The following PRKCI variants were observed in gnomAD, a reference collection of about 807,000 sequenced individuals.
The protein encoded by PRKCI is protein kinase C iota type.
Under a neutral mutation model 84.0 loss-of-function variants are expected in PRKCI, and 43 were observed. That is an observed-to-expected ratio of 0.51 (90% CI 0.40 to 0.66). PRKCI has a LOEUF of 0.66. Among genes scored for constraint, PRKCI ranks in the 30% least tolerant of loss-of-function variants. PRKCI has a pLI of 0.00. For missense variants in PRKCI, 459 were observed against 745.6 expected (o/e 0.62, Z 4.48); for synonymous variants, 216 against 234.4 (o/e 0.92, Z 0.72).
rs1188438028 is a variant in PRKCI at position 170,303,696 on chromosome 3, C to T, written c.*569C>T. 1 of 218,248 alleles carries T rather than the reference C, an allele frequency of 4.6e-6. No individual in the cohort carries two copies. The highest frequency in any genetic ancestry group is 9.2e-6 in the Non-Finnish European group (1 of 108,700). 13.5% of individuals were successfully genotyped at this position (218,248 alleles called of 1,614,324 possible). A position where few individuals can be genotyped will look rare whatever the true frequency, so the allele number is the denominator to read the frequency against. The stretch of plus-strand genomic sequence containing the variant: ...AATTGGTAATAGAAGATGCTGCTTG[C>T]TTAGAATTGGGAAATTCGGCTGGGT... On this transcript the variant is annotated 3_prime_UTR_variant, in exon 18 of 18. Transcript: ENST00000295797.
chr3:170,241,015 A>AT (rs1553837009), intron 2 of PRKCI, among the ~76,000 whole-genome samples: 1 of 152,090 alleles, frequency 6.6e-6, no homozygotes, highest in East Asian at 1.9e-4. Flanking sequence ...ATGTGACTTT[A>AT]TTTTTTTAAC....
chr3:170,257,986 G>T (rs371560665), intron 2 of PRKCI, among the ~76,000 whole-genome samples: 2 of 151,780 alleles, frequency 1.3e-5, no homozygotes, highest in African/African-American at 4.8e-5. Flanking sequence ...TTGAGAGGGA[G>T]ACTCAGAAAC....
At chr3:170,261,546 C>T (rs560380572) in intron 3 of PRKCI, among the ~76,000 whole-genome samples, 12 of 151,764 alleles carry the variant, frequency 7.9e-5, no homozygotes, top group African/African-American at 2.7e-4. Flanking sequence ...GGCAGTGGCA[C>T]AGTCTCAACT....
intron 2 of PRKCI, 39 bp from the exon 3 acceptor site, chr3:170,259,930 G>GT: frequency 7.6e-7 from 1 of 1,318,354 alleles, no homozygotes; most frequent in Non-Finnish European, 1.1e-6. Context: ...ACATTTAGGG[G>GT]TTTTAAAGTG....
intron 1 of PRKCI, among the ~76,000 whole-genome samples, chr3:170,227,414 T>C (rs1222259027): frequency 6.6e-6 from 1 of 152,114 alleles, no homozygotes; most frequent in Non-Finnish European, 1.5e-5. Context: ...AGAGTTACAA[T>C]AGAAACAATT....
chr3:170,235,173 T>A, intron 1 of PRKCI, 57 bp from the exon 2 acceptor site: 1 of 1,545,778 alleles, frequency 6.5e-7, no homozygotes, highest in Non-Finnish European at 8.9e-7. Flanking sequence ...TTCAGTAATA[T>A]ATACAGCATT....
At chr3:170,291,136 CAAAA>C (rs35556777) in intron 12 of PRKCI, among the ~76,000 whole-genome samples, 1 of 145,986 alleles carries the variant, frequency 6.8e-6, no homozygotes. Flanking sequence ...ACTCTGTCTC[CAAAA>C]AAAAAAAAGT....
chr3:170,244,917 A>G (rs1733236061), intron 2 of PRKCI: 2 of 152,260 alleles, frequency 1.3e-5, no homozygotes, highest in African/African-American at 4.8e-5. Context: ...TTATAGGAGA[A>G]GGGAGAAGAG....
chr3:170,228,771 T>G (rs567521683), intron 1 of PRKCI, among the ~76,000 whole-genome samples: 59 of 152,280 alleles, frequency 3.9e-4, no homozygotes, highest in African/African-American at 1.4e-3. Flanking sequence ...GTTTGTATCA[T>G]GTAGCCATGA....
chr3:170,290,650 A>G (rs773545624), intron 12 of PRKCI, among the ~76,000 whole-genome samples: 32 of 151,968 alleles, frequency 2.1e-4, no homozygotes, highest in Non-Finnish European at 3.2e-4. Flanking sequence ...AACTTCTCCT[A>G]TTATGATTGG....
intron 12 of PRKCI, among the ~76,000 whole-genome samples, chr3:170,288,454 C>T (rs973301544): frequency 6.6e-6 from 1 of 151,900 alleles, no homozygotes; most frequent in African/African-American, 2.4e-5. Flanking sequence ...CCTCCTTCTC[C>T]AAGAGCTGCC....
intron 4 of PRKCI, among the ~76,000 whole-genome samples, chr3:170,264,272 A>AAT (rs1733805872): frequency 6.7e-6 from 1 of 149,084 alleles, no homozygotes; most frequent in Non-Finnish European, 1.5e-5. Flanking sequence ...AACAGGTATT[A>AAT]AGTCACTTTT....
At chr3:170,293,123 C>T (rs1734603047) in intron 13 of PRKCI, among the ~76,000 whole-genome samples, 1 of 151,222 alleles carries the variant, frequency 6.6e-6, no homozygotes. Context: ...AGATATTGGG[C>T]ATGAGTCTGA....
chr3:170,281,466 C>A, intron 10 of PRKCI: 2 of 497,962 alleles, frequency 4.0e-6, no homozygotes, highest in Non-Finnish European at 3.5e-6. Context: ...CTACTTTAGG[C>A]AGAACAGGAA....
At chr3:170,232,910 T>A (rs1732838647) in intron 1 of PRKCI, among the ~76,000 whole-genome samples, 1 of 152,188 alleles carries the variant, frequency 6.6e-6, no homozygotes, top group African/African-American at 2.4e-5. Flanking sequence ...TTTATAACAT[T>A]GCTTTTTTAC....
In PRKCI at chr3:170,222,675, G is replaced by A; in HGVS notation, c.6G>A (p.Pro2=). M[P]TQRDSSTMSH... is the part of the protein sequence containing the mutation. ...TGAGGCGGGGGAGTGAGGAGATGCCGACCCAGAGGGACAGCAGCACCATGT... is the reference window on the plus strand; with the variant it reads ...TGAGGCGGGGGAGTGAGGAGATGCCAACCCAGAGGGACAGCAGCACCATGT... Residue 2 remains proline (P), a synonymous_variant, in exon 1 of 18, where the codon CCG becomes CCA. Transcript: ENST00000295797. 1 of 1,591,444 alleles carries A rather than the reference G, an allele frequency of 6.3e-7. No homozygotes were observed. Among genetic ancestry groups the A allele is most frequent in the Non-Finnish European group, 8.5e-7 (1 of 1,170,018 alleles).
intron 2 of PRKCI, among the ~76,000 whole-genome samples, chr3:170,249,005 G>T (rs1225138157): frequency 6.6e-6 from 1 of 151,832 alleles, no homozygotes; most frequent in Non-Finnish European, 1.5e-5. Context: ...CCGCCGCCAC[G>T]CTTGGCTAAT....
At chr3:170,273,373 T>G (rs45498193) in intron 7 of PRKCI, 33 bp downstream of exon 7, 22 of 1,598,550 alleles carry the variant, frequency 1.4e-5, no homozygotes, top group Non-Finnish European at 1.9e-5. Context: ...CCATTGTTCA[T>G]TCACAGAGTA....
intron 2 of PRKCI, among the ~76,000 whole-genome samples, chr3:170,252,693 T>G (rs1049524811): frequency 3.3e-5 from 5 of 151,984 alleles, no homozygotes; most frequent in African/African-American, 1.2e-4. Context: ...TGACCTCCCA[T>G]GCTCAAGCAG....
Sources: allele counts gnomAD v4.1 joint callset (sites outside exome capture counted in the v4.1 genomes callset), GRCh38; gene constraint gnomAD v4.1.1; transcripts MANE v1.5; gene names NCBI Gene and HGNC (gene_info 2026-07-23, HGNC 2026-07-21).